The following SPTA1 variants were observed in gnomAD, a reference collection of about 807,000 sequenced individuals.
SPTA1 encodes the protein spectrin alpha, erythrocytic 1.
SPTA1 carries 177 observed loss-of-function variants against 324.7 expected under a neutral mutation model. The observed-to-expected ratio is 0.55, with a 90% CI of 0.48 to 0.62. The LOEUF is 0.62. SPTA1 is among the 20% of genes least tolerant of loss of function. SPTA1 has a pLI of 0.00. For missense variants in SPTA1, 3,162 were observed against 2,883.6 expected (o/e 1.10, Z -2.21); for synonymous variants, 1,195 against 1,041.3 (o/e 1.15, Z -2.84).
intron 42 of SPTA1, 110 bp downstream of exon 42, chr1:158,626,036 T>G: frequency 1.1e-6 from 1 of 899,036 alleles, no homozygotes; most frequent in Non-Finnish European, 1.8e-6. Flanking sequence ...AGGGAAAATC[T>G]TACAGAGGCT....
intron 29 of SPTA1, among the ~76,000 whole-genome samples, chr1:158,644,766 G>A (rs925647987): frequency 1.4e-4 from 21 of 152,070 alleles, no homozygotes; most frequent in Admixed American, 8.5e-4. Flanking sequence ...CAAAGCACTC[G>A]TACATTTTGG....
chr1:158,677,307 G>T (rs16840529), intron 7 of SPTA1, among the ~76,000 whole-genome samples: 2,900 of 152,180 alleles, frequency 0.019, 87 homozygotes, highest in African/African-American at 0.065. Context: ...AAAGAATCAG[G>T]ATTCAGCTGC....
chr1:158,672,038 G>T lies in SPTA1; in HGVS notation c.1488+21C>A. On this transcript the variant is annotated intron_variant, in intron 11 of 51. Transcript: ENST00000643759. Reference sequence around the variant, plus strand: ...GGTGAGAGAAATTACTTCTAGAGATGGTATGGACCCCTCCCGTTACCTCTT... The same window carrying T: ...GGTGAGAGAAATTACTTCTAGAGATTGTATGGACCCCTCCCGTTACCTCTT... The T allele has an allele frequency of 3.7e-6, 6 of 1,613,390 alleles. No homozygotes were observed. In the Admixed American group the frequency reaches 6.7e-5, roughly 18 times the overall value.
In SPTA1 at chr1:158,659,609, T is replaced by A. The variant is rs956974699; in HGVS notation, c.2587+1678A>T. On this transcript the variant is annotated intron_variant, in intron 18 of 51. Coordinates refer to ENST00000643759, the MANE Select transcript of SPTA1 (RefSeq NM_003126.4). ...GTCTTAGCATTATTTTTTTTTTTTT[T>A]TTTTTTTTTTTTGAGACGGAGTCTC... 1.5e-4 allele frequency among the ~76,000 whole-genome samples: 16 copies of A among 103,802 alleles called. 5 individuals carry two copies. Among genetic ancestry groups the A allele is most frequent in the African/African-American group, 2.5e-4 (8 of 32,110 alleles). The allele number at this position is 103,802 out of a possible 152,430, so 68.1% of individuals were successfully genotyped here.
intron 45 of SPTA1, among the ~76,000 whole-genome samples, chr1:158,618,896 G>A (rs1649736011): frequency 6.6e-6 from 1 of 152,178 alleles, no homozygotes; most frequent in East Asian, 1.9e-4. Flanking sequence ...GAAGTACTCT[G>A]TAAAGTGCAA....
intron 39 of SPTA1, among the ~76,000 whole-genome samples, chr1:158,632,567 C>T (rs1296108866): frequency 6.6e-6 from 1 of 152,056 alleles, no homozygotes; most frequent in Non-Finnish European, 1.5e-5. Flanking sequence ...TGTAAAACAT[C>T]ATTATCCATT....
At chr1:158,681,816 G>A (rs576335009) in intron 3 of SPTA1, 149 bp from the exon 4 acceptor site, 31 of 1,048,216 alleles carry the variant, frequency 3.0e-5, no homozygotes, top group South Asian at 1.8e-4. Flanking sequence ...AGAGGAAATA[G>A]GATAGATATA....
intron 51 of SPTA1, 190 bp from the exon 52 acceptor site, chr1:158,611,579 A>G (rs1159271277): frequency 3.6e-6 from 2 of 562,272 alleles, no homozygotes; most frequent in Non-Finnish European, 6.1e-6. Flanking sequence ...TTTTAATCTC[A>G]GCCCTTTCTT....
rs1304243149 is a variant in SPTA1 at position 158,617,450 on chromosome 1, G to A, written c.6600+87C>T. 1.7e-5 allele frequency: 19 copies of A among 1,093,970 alleles called. No individual in the cohort carries two copies. In the Admixed American group the frequency reaches 3.4e-4, roughly 19 times the overall value. 67.8% of individuals were successfully genotyped at this position (1,093,970 alleles called of 1,614,324 possible). A position where few individuals can be genotyped will look rare whatever the true frequency, so the allele number is the denominator to read the frequency against. ...GACTTCAGGTGATACATACCTAAAA[G>A]TATCACCTGGGCTTCCCTTAGGTGA... On this transcript the variant is annotated intron_variant, in intron 47 of 51. Transcript: ENST00000643759.
chr1:158,620,688 T>A, intron 43 of SPTA1: 1 of 525,438 alleles, frequency 1.9e-6, no homozygotes, highest in African/African-American at 1.9e-5. Context: ...TGAAATTGTT[T>A]AAGTCTTTCA....
At chr1:158,682,163 A>G (rs1169213165) in intron 3 of SPTA1, among the ~76,000 whole-genome samples, 4 of 152,212 alleles carry the variant, frequency 2.6e-5, no homozygotes, top group Non-Finnish European at 5.9e-5. Context: ...TTTTGGGACT[A>G]TACAGTTTGA....
At chr1:158,669,368 C>T (rs922229524) in intron 14 of SPTA1, 40 bp downstream of exon 14, 2 of 1,613,610 alleles carry the variant, frequency 1.2e-6, no homozygotes, top group African/African-American at 1.3e-5. Flanking sequence ...ATGAAAGGAA[C>T]TCCTGATAAC....
chr1:158,669,515 T>C lies in SPTA1; in HGVS notation c.1726A>G (p.Arg576Gly). 6.2e-7 allele frequency: 1 copy of C among 1,614,168 alleles called. No homozygotes were observed. The highest frequency in any genetic ancestry group is 8.5e-7 in the Non-Finnish European group (1 of 1,180,010). Residue 576 changes from arginine (R) to glycine (G), a missense_variant, in exon 14 of 52, where the codon AGA (arginine) becomes GGA (glycine). Physicochemically the swap from Arg to Gly is moderately radical, Grantham distance 125 (BLOSUM62 -2). Transcript: ENST00000643759. ...AGAAGCAATGACTCCTTCAGCAATC[T>C]ACGTCTAGTGGCAGCCTTTTCACGT... Reference protein sequence around the residue: ...ALREKAATRRRLLKESLLLQK... With the variant: ...ALREKAATRRGLLKESLLLQK...
chr1:158,619,696 TA>T (rs1376820251), intron 44 of SPTA1, among the ~76,000 whole-genome samples: 1 of 152,200 alleles, frequency 6.6e-6, no homozygotes, highest in African/African-American at 2.4e-5. Context: ...AGTTACTATC[TA>T]AAAATGGTGA....
chr1:158,617,952 G>T, intron 46 of SPTA1, 87 bp downstream of exon 46: 1 of 1,274,696 alleles, frequency 7.8e-7, no homozygotes, highest in Non-Finnish European at 1.1e-6. Context: ...ACAATGGAAT[G>T]AAAATGTCTC....
intron 4 of SPTA1, 91 bp from the exon 5 acceptor site, chr1:158,680,820 T>C (rs1472240655): frequency 6.5e-7 from 1 of 1,540,140 alleles, no homozygotes; most frequent in Non-Finnish European, 8.9e-7. Context: ...ATTCCCAGGA[T>C]AACTCAAATG....
At chr1:158,678,673 T>C in intron 5 of SPTA1, 139 bp from the exon 6 acceptor site, 1 of 1,068,860 alleles carries the variant, frequency 9.4e-7, no homozygotes, top group South Asian at 1.4e-5. Flanking sequence ...CTGAACTTCA[T>C]CATAGCCCTC....
chr1:158,645,789 C>G (rs1206011883), intron 27 of SPTA1, among the ~76,000 whole-genome samples, 195 bp from the exon 28 acceptor site: 1 of 152,060 alleles, frequency 6.6e-6, no homozygotes, highest in Non-Finnish European at 1.5e-5. Context: ...TATTTGAAAG[C>G]CTCTTCACTT....
At chr1:158,651,618 A>G (rs1652441535) in intron 23 of SPTA1, 150 bp from the exon 24 acceptor site, 1 of 688,676 alleles carries the variant, frequency 1.5e-6, no homozygotes, top group Non-Finnish European at 2.7e-6. Context: ...CACCACTGAG[A>G]AGAGTATCCT....
Sources: allele counts gnomAD v4.1 joint callset (sites outside exome capture counted in the v4.1 genomes callset), GRCh38; gene constraint gnomAD v4.1.1; transcripts MANE v1.5; gene names NCBI Gene and HGNC (gene_info 2026-07-23, HGNC 2026-07-21).